Variants in CDH15 observed in about 807,000 individuals in gnomAD.
CDH15 encodes cadherin-15.
In CDH15, 73 loss-of-function variants were observed where a neutral mutation model predicts 69.4. The observed-to-expected ratio is 1.05, with a 90% CI of 0.87 to 1.28. The LOEUF (loss-of-function observed/expected upper bound fraction) is 1.28. Among genes scored for constraint, CDH15 ranks in the 50% most tolerant of loss-of-function variants. The pLI is 0.00. For missense variants in CDH15, 1,343 were observed against 1,133.6 expected, an observed-to-expected ratio of 1.18 and a Z score of -2.65; for synonymous variants, 624 against 507.7, an observed-to-expected ratio of 1.23 and a Z score of -3.08.
In CDH15 at chr16:89,195,241, C is replaced by A. The variant is rs552196868; in HGVS notation, c.*86C>A. The A allele has an allele frequency of 8.1e-6, 11 of 1,352,450 alleles. No individual in the cohort carries two copies. Among genetic ancestry groups the A allele is most frequent in the Admixed American group, 2.7e-5 (1 of 36,962 alleles). The allele number at this position is 1,352,450 out of a possible 1,614,324, so 83.8% of individuals were successfully genotyped here. On this transcript the variant is annotated 3_prime_UTR_variant, in exon 14 of 14. Coordinates refer to ENST00000289746, the MANE Select transcript of CDH15 (RefSeq NM_004933.3). ...GGCAGCCTGAGGTCACCGGGCCCGACCCCCCTGGGCCTGGGGCAGCCTCCT... is the reference window on the plus strand; with the variant it reads ...GGCAGCCTGAGGTCACCGGGCCCGAACCCCCTGGGCCTGGGGCAGCCTCCT...
intron 3 of CDH15, 181 bp from the exon 4 acceptor site, chr16:89,183,367 C>T (rs1915417368): frequency 6.0e-6 from 4 of 663,284 alleles, no homozygotes; most frequent in African/African-American, 3.6e-5. Context: ...AGGTGGCTCC[C>T]GTTCAGGGAC....
Position 89,191,342 on chromosome 16 carries a change from C to G in CDH15, c.1245C>G (p.Asp415Glu). Residue 415 changes from aspartate (D) to glutamate (E), a missense_variant, in exon 9 of 14, where the codon GAC becomes GAG. Transcript: ENST00000289746. ...EQLQRLSYSKDYDPEDWLQVD... is the reference protein window; with the variant it reads ...EQLQRLSYSKEYDPEDWLQVD... ...TCCCCTGCATCAGCTACTCCAAGGA[C>G]TACGACCCGGAAGACTGGCTGCAAG... The G allele has an allele frequency of 6.2e-7, 1 of 1,612,836 alleles. No individual in the cohort carries two copies. The highest frequency in any genetic ancestry group is 2.2e-5 in the East Asian group (1 of 44,886).
Position 89,187,636 on chromosome 16 carries a change from G to A in CDH15, c.792+79G>A, listed in dbSNP as rs543630772. On this transcript the variant is annotated intron_variant, in intron 6 of 13. Coordinates refer to ENST00000289746, the MANE Select transcript of CDH15 (RefSeq NM_004933.3). ...TTCTTGGGCTCCTGCAGAAGGCAGC[G>A]GGCTTCATGATGGGGCAGGAGGATG... is the stretch of plus-strand genomic sequence containing the variant. The A allele has an allele frequency of 5.6e-5, 89 of 1,578,526 alleles. No individual in the cohort carries two copies. The East Asian group carries it at 7.0e-4, about 12-fold the overall frequency.
At chr16:89,192,097 G>C (rs1011100089) in intron 10 of CDH15, 108 bp from the exon 11 acceptor site, 11 of 1,380,522 alleles carry the variant, frequency 8.0e-6, no homozygotes, top group African/African-American at 4.4e-5. Context: ...GGGTGGGGGG[G>C]ACCCAGGCCC....
intron 1 of CDH15, among the ~76,000 whole-genome samples, chr16:89,174,799 G>T (rs1413030406): frequency 6.6e-6 from 1 of 152,154 alleles, no homozygotes; most frequent in African/African-American, 2.4e-5. Context: ...GGACAGAGAG[G>T]AGTGGACGAG....
In CDH15 at chr16:89,192,285, C is replaced by T; in HGVS notation, c.1696C>T (p.Gln566Ter). 1 of 1,531,644 alleles carries T rather than the reference C, an allele frequency of 6.5e-7. No homozygotes were observed. Among genetic ancestry groups the T allele is most frequent in the Non-Finnish European group, 8.7e-7 (1 of 1,145,530 alleles). The allele number at this position is 1,531,644 out of a possible 1,614,324, so 94.9% of individuals were successfully genotyped here. Residue 566 changes from glutamine to a stop codon, truncating the protein, a stop_gained, in exon 11 of 14, where the codon CAG becomes TAG. Coordinates refer to ENST00000289746, the MANE Select transcript of CDH15 (RefSeq NM_004933.3). LOFTEE classifies it high-confidence loss of function. ...CAGCCTGCTGCTCCGGGACTCGGGG[C>T]AGCCGCCCCAGCAGCGCGAGCAGCC... is the stretch of plus-strand genomic sequence containing the variant. Reference protein sequence around the residue: ...RLSLLLRDSGQPPQQREQPLN... With the variant: ...RLSLLLRDSG
rs765819689 is a variant in CDH15 at position 89,183,713 on chromosome 16, C to T, written c.502+21C>T. The T allele has an allele frequency of 2.1e-5, 33 of 1,577,962 alleles. No individual in the cohort carries two copies. In the East Asian group the frequency reaches 4.2e-4, roughly 20 times the overall value. Reference sequence around the variant, plus strand: ...CCCAGGTGAGACAGGACCACAGCCCCGGGCCGGGAGGGGCTGCAAGGAAGG... The same window carrying T: ...CCCAGGTGAGACAGGACCACAGCCCTGGGCCGGGAGGGGCTGCAAGGAAGG... On this transcript the variant is annotated intron_variant, in intron 4 of 13. Transcript: ENST00000289746.
At chr16:89,179,600 G>A (rs1163907160) in intron 2 of CDH15, 26 bp downstream of exon 2, 1 of 1,549,984 alleles carries the variant, frequency 6.5e-7, no homozygotes, top group African/African-American at 1.4e-5. Flanking sequence ...GGGCAGGAGG[G>A]GAGAAAGGGG....
intron 12 of CDH15, 38 bp from the exon 13 acceptor site, chr16:89,193,717 G>A (rs754704480): frequency 2.5e-6 from 4 of 1,593,506 alleles, no homozygotes; most frequent in South Asian, 2.2e-5. Context: ...AGGGCCACCC[G>A]AGGGATGCCT....
intron 11 of CDH15, 28 bp downstream of exon 11, chr16:89,192,472 ACCC>A (rs1915673908): frequency 6.4e-7 from 1 of 1,554,066 alleles, no homozygotes; most frequent in Admixed American, 1.8e-5. Context: ...CTCCACCTGG[ACCC>A]TCGGACCCTC....
At chr16:89,189,723 A>G (rs4785719) in intron 7 of CDH15, among the ~76,000 whole-genome samples, 64,448 of 152,166 alleles carry the variant, frequency 0.42, 14,180 homozygotes, top group East Asian at 0.75. Flanking sequence ...AGATATGTCC[A>G]CACGTGTAGA....
intron 1 of CDH15, 85 bp downstream of exon 1, chr16:89,171,958 C>T: frequency 7.2e-7 from 1 of 1,390,220 alleles, no homozygotes; most frequent in Non-Finnish European, 9.9e-7. Context: ...CACAGGTCTC[C>T]CCCAGAACCA....
intron 1 of CDH15, among the ~76,000 whole-genome samples, chr16:89,178,550 G>C (rs1300424124): frequency 6.6e-6 from 1 of 151,800 alleles, no homozygotes; most frequent in East Asian, 1.9e-4. Flanking sequence ...GCCACAACAA[G>C]CCCCACCCCA....
intron 5 of CDH15, among the ~76,000 whole-genome samples, chr16:89,186,578 C>A (rs1470869091): frequency 7.7e-6 from 1 of 129,332 alleles, no homozygotes; most frequent in Non-Finnish European, 1.7e-5. Flanking sequence ...GAACACCCAG[C>A]GCACAGTAGG....
chr16:89,194,871 G>A lies in CDH15; in HGVS notation c.2161G>A (p.Ala721Thr), dbSNP rs372201468. 6.2e-6 allele frequency: 10 copies of A among 1,604,276 alleles called. No individual in the cohort carries two copies. In the Admixed American group the frequency reaches 1.2e-4, roughly 19 times the overall value. Residue 721 changes from alanine (A) to threonine (T), a missense_variant, in exon 14 of 14, where the codon GCT becomes ACT. Physicochemically the swap from Ala to Thr is moderately conservative, Grantham distance 58. Coordinates refer to ENST00000289746, the MANE Select transcript of CDH15 (RefSeq NM_004933.3). ...IADFINDGLE[A>T]ADSDPSVPPY... ...CCGGGCCTCTTTATAGGGCTTGGAGGCTGCAGATAGTGACCCCAGTGTGCC... is the reference window on the plus strand; with the variant it reads ...CCGGGCCTCTTTATAGGGCTTGGAGACTGCAGATAGTGACCCCAGTGTGCC...
At chr16:89,186,901 A>G (rs1446622615) in intron 5 of CDH15, among the ~76,000 whole-genome samples, 17 of 116,946 alleles carry the variant, frequency 1.5e-4, no homozygotes, top group East Asian at 8.7e-4. Flanking sequence ...AACACCCAGC[A>G]CACAGTAGGT....
Position 89,188,195 on chromosome 16 carries a change from C to T in CDH15, c.888C>T (p.Ala296=). 6.2e-7 allele frequency: 1 copy of T among 1,613,446 alleles called. No individual in the cohort carries two copies. Among genetic ancestry groups the T allele is most frequent in the Non-Finnish European group, 8.5e-7 (1 of 1,179,862 alleles). ...RDLPGSPNWV[A]RFTILEGDPD... ...TGCCAGGCTCCCCAAACTGGGTGGC[C>T]AGGTTCACCATCCTGGAAGGCGACC... The change falls in exon 7 of 14, where the codon GCC becomes GCT. Residue 296 remains alanine (A), a synonymous_variant. Coordinates refer to ENST00000289746, the MANE Select transcript of CDH15 (RefSeq NM_004933.3).
intron 1 of CDH15, among the ~76,000 whole-genome samples, chr16:89,173,480 C>A (rs751566775): frequency 1.3e-5 from 2 of 152,168 alleles, no homozygotes; most frequent in Non-Finnish European, 2.9e-5. Context: ...GGGACAATAA[C>A]CCCCTCCCCC....
chr16:89,174,935 A>G (rs570275217), intron 1 of CDH15, among the ~76,000 whole-genome samples: 19 of 152,268 alleles, frequency 1.2e-4, no homozygotes, highest in African/African-American at 4.3e-4. Flanking sequence ...GACGGCTCCC[A>G]GGCCCTCCCT....
Sources: gnomAD v4.1 joint callset for allele counts (sites outside exome capture counted in the v4.1 genomes callset) on GRCh38, gnomAD v4.1.1 for gene constraint, MANE v1.5 for transcripts, NCBI Gene and HGNC (gene_info 2026-07-23, HGNC 2026-07-21) for gene names.